Variants in EYS observed in about 807,000 individuals in gnomAD.
EYS encodes EGF-like photoreceptor maintenance factor, also known as protein eyes shut homolog.
Under a neutral mutation model 282.1 loss-of-function variants are expected in EYS, and 250 were observed. That is an observed-to-expected ratio of 0.89 (90% confidence interval 0.80 to 0.98). The LOEUF (loss-of-function observed/expected upper bound fraction) is 0.98, where lower values mean the gene tolerates loss of function less well. Ranked by LOEUF, EYS falls within the 50% of genes least tolerant of loss-of-function variation. The probability of loss-of-function intolerance (pLI) is 0.00; values close to 1 mark genes in which losing one functional copy is unlikely to be tolerated. For missense variants in EYS, 4,016 were observed against 3,709.0 expected (o/e 1.08, Z -2.15); for synonymous variants, 1,355 against 1,282.9 (o/e 1.06, Z -1.20).
At chr6:64,121,931 C>T (rs1773602248) in intron 31 of EYS, among the ~76,000 whole-genome samples, 2 of 152,158 alleles carry the variant, frequency 1.3e-5, no homozygotes, top group African/African-American at 4.8e-5. Flanking sequence ...CAAGGCTAGT[C>T]AGTAACCAAT....
chr6:64,380,837 G>A (rs903610224), intron 29 of EYS, among the ~76,000 whole-genome samples: 4 of 152,018 alleles, frequency 2.6e-5, no homozygotes, highest in African/African-American at 7.2e-5. Flanking sequence ...CAAATATGGC[G>A]AAACCCGTCT....
Position 65,250,512 on chromosome 6 carries a change from C to A in EYS, c.2023+45351G>T, listed in dbSNP as rs538425612. ...GAGTAGATTTTGTTCACCAAAAATT[C>A]TCAGAAGAAATCTAACAGTACCTTA... On this transcript the variant is annotated intron_variant, in intron 12 of 42. Coordinates refer to ENST00000503581, the MANE Select transcript of EYS (RefSeq NM_001142800.2). Among the ~76,000 whole-genome samples the A allele has an allele frequency of 3.3e-5, 5 of 151,902 alleles. No homozygotes were observed. The East Asian group carries it at 9.7e-4, about 30-fold the overall frequency.
At chr6:65,331,738 T>C (rs1769804474) in intron 11 of EYS, 2 of 980,864 alleles carry the variant, frequency 2.0e-6, no homozygotes, top group Non-Finnish European at 2.4e-6. Flanking sequence ...AAACAAGTAT[T>C]TGTTGAGCAC....
At chr6:64,892,708 C>T (rs557026847) in intron 18 of EYS, among the ~76,000 whole-genome samples, 65 of 151,984 alleles carry the variant, frequency 4.3e-4, no homozygotes, top group African/African-American at 1.5e-3. Context: ...CACAACATGT[C>T]TTTATATGTT....
intron 22 of EYS, among the ~76,000 whole-genome samples, chr6:64,744,482 C>G (rs1173914310): frequency 1.3e-5 from 2 of 152,072 alleles, no homozygotes; most frequent in Non-Finnish European, 2.9e-5. Flanking sequence ...ATGTTCCTAG[C>G]CAATATAGTA....
chr6:65,232,775 C>T (rs1361099134), intron 12 of EYS, among the ~76,000 whole-genome samples: 1 of 152,080 alleles, frequency 6.6e-6, no homozygotes, highest in African/African-American at 2.4e-5. Context: ...GAAGTTAGAA[C>T]TTCAACATAT....
chr6:64,123,776 A>C (rs1773672469), intron 31 of EYS, among the ~76,000 whole-genome samples: 1 of 152,224 alleles, frequency 6.6e-6, no homozygotes. Flanking sequence ...ATACAAAATT[A>C]AAATTGATAC....
intron 24 of EYS, among the ~76,000 whole-genome samples, chr6:64,604,244 T>C (rs1766855500): frequency 6.6e-6 from 1 of 152,030 alleles, no homozygotes; most frequent in African/African-American, 2.4e-5. Context: ...AAATGTCTTT[T>C]CCTAGGGGAG....
At chr6:65,444,990 T>C (rs1002474950) in intron 5 of EYS, among the ~76,000 whole-genome samples, 2 of 151,984 alleles carry the variant, frequency 1.3e-5, no homozygotes, top group African/African-American at 2.4e-5. Flanking sequence ...AAATACTTTA[T>C]GCATAGCATT....
At chr6:65,102,847 A>C (rs1774932395) in intron 12 of EYS, among the ~76,000 whole-genome samples, 1 of 151,388 alleles carries the variant, frequency 6.6e-6, no homozygotes, top group Non-Finnish European at 1.5e-5. Flanking sequence ...CATTGGTCTT[A>C]ATTGTTTTAT....
At chr6:64,327,650 A>G (rs768975389) in intron 29 of EYS, among the ~76,000 whole-genome samples, 12 of 152,250 alleles carry the variant, frequency 7.9e-5, no homozygotes, top group Non-Finnish European at 1.3e-4. Context: ...TTTGAGACCT[A>G]CTGTAAGACT....
chr6:65,013,317 C>G (rs984002295), intron 13 of EYS, among the ~76,000 whole-genome samples: 1 of 152,054 alleles, frequency 6.6e-6, no homozygotes, highest in African/African-American at 2.4e-5. Flanking sequence ...CACTGTACCC[C>G]CATATCATGT....
chr6:64,576,450 T>G (rs576969301), intron 26 of EYS, among the ~76,000 whole-genome samples: 6 of 152,004 alleles, frequency 3.9e-5, no homozygotes, highest in Admixed American at 6.6e-5. Flanking sequence ...TTAATATACT[T>G]AAAATTTTAA....
chr6:65,016,985 T>C (rs898860460), intron 13 of EYS, among the ~76,000 whole-genome samples: 1 of 152,170 alleles, frequency 6.6e-6, no homozygotes, highest in Admixed American at 6.5e-5. Context: ...AGACCAGAGA[T>C]GGTTGCTGCT....
chr6:64,191,305 T>C (rs868450751), intron 31 of EYS, among the ~76,000 whole-genome samples: 1 of 151,870 alleles, frequency 6.6e-6, no homozygotes, highest in Non-Finnish European at 1.5e-5. Context: ...TAAAATAGCC[T>C]TATTCTTTTT....
chr6:65,423,297 A>G (rs1184975190), intron 5 of EYS, among the ~76,000 whole-genome samples: 1 of 151,930 alleles, frequency 6.6e-6, no homozygotes, highest in Non-Finnish European at 1.5e-5. Context: ...TTTGTATTCA[A>G]AATGTTAAAT....
At chr6:64,542,585 C>A (rs1764723641) in intron 26 of EYS, among the ~76,000 whole-genome samples, 1 of 151,996 alleles carries the variant, frequency 6.6e-6, no homozygotes, top group Non-Finnish European at 1.5e-5. Context: ...GGTTTTTGAG[C>A]CTTGTCCCCT....
chr6:65,609,928 A>G (rs1765933446), intron 2 of EYS, among the ~76,000 whole-genome samples: 1 of 152,102 alleles, frequency 6.6e-6, no homozygotes, highest in Non-Finnish European at 1.5e-5. Flanking sequence ...CACTGGTTAT[A>G]AAAATATCCA....
chr6:65,143,799 C>G (rs1006646912), intron 12 of EYS, among the ~76,000 whole-genome samples: 6 of 152,064 alleles, frequency 3.9e-5, no homozygotes, highest in African/African-American at 7.2e-5. Flanking sequence ...GACCAGAGAA[C>G]GTGGCTCATT....
Sources: allele counts gnomAD v4.1 joint callset (sites outside exome capture counted in the v4.1 genomes callset), GRCh38; gene constraint gnomAD v4.1.1; transcripts MANE v1.5; gene names NCBI Gene and HGNC (gene_info 2026-07-23, HGNC 2026-07-21).